Variants in FYN observed in about 807,000 individuals in gnomAD.
FYN encodes the protein tyrosine-protein kinase Fyn.
In FYN, 10 loss-of-function variants were observed where a neutral mutation model predicts 70.2. The ratio of observed to expected loss-of-function variants is 0.14; its 90% CI spans 0.09 to 0.24. The LOEUF (loss-of-function observed/expected upper bound fraction) is 0.24. Among genes scored for constraint, FYN ranks in the 10% least tolerant of loss-of-function variants. The pLI is 1.00. For synonymous variants in FYN, 236 were observed against 248.6 expected, an observed-to-expected ratio of 0.95 and a Z score of 0.48; for missense variants, 319 against 673.1, an observed-to-expected ratio of 0.47 and a Z score of 5.82.
chr6:111,835,312 T>C (rs933173254), intron 2 of FYN, among the ~76,000 whole-genome samples: 2 of 152,208 alleles, frequency 1.3e-5, no homozygotes, highest in African/African-American at 4.8e-5. Flanking sequence ...GAAAACAAAA[T>C]AGCAAATCTC....
At chr6:111,678,399 G>A (rs1366201947) in intron 12 of FYN, among the ~76,000 whole-genome samples, 1 of 152,066 alleles carries the variant, frequency 6.6e-6, no homozygotes, top group Non-Finnish European at 1.5e-5. Flanking sequence ...TTCCTGTAAT[G>A]AATAAATGTG....
intron 2 of FYN, among the ~76,000 whole-genome samples, chr6:111,835,363 AATACTAAAGTG>A (rs1250741261): frequency 6.6e-6 from 1 of 152,084 alleles, no homozygotes; most frequent in Non-Finnish European, 1.5e-5. Flanking sequence ...TGATCACTGA[AATACTAAAGTG>A]ATACTAAAGT....
chr6:111,799,185 C>T (rs1418128674), intron 2 of FYN, among the ~76,000 whole-genome samples: 3 of 152,276 alleles, frequency 2.0e-5, no homozygotes, highest in South Asian at 2.1e-4. Context: ...AAAAAAGCAA[C>T]GTTCAAAAAT....
chr6:111,771,746 C>T (rs896125339), intron 3 of FYN, among the ~76,000 whole-genome samples: 1 of 152,218 alleles, frequency 6.6e-6, no homozygotes, highest in Non-Finnish European at 1.5e-5. Flanking sequence ...ATTGAAAAGT[C>T]GGAATGGTTA....
intron 9 of FYN, chr6:111,699,396 C>T (rs1799727760): frequency 5.7e-6 from 6 of 1,059,334 alleles, no homozygotes; most frequent in African/African-American, 1.6e-5. Context: ...GGCCTGTGCC[C>T]GTCTAGTTAT....
At chr6:111,698,954 G>A (rs1799702052) in intron 9 of FYN, among the ~76,000 whole-genome samples, 2 of 152,088 alleles carry the variant, frequency 1.3e-5, no homozygotes, top group Admixed American at 6.5e-5. Context: ...GTGGTGGCAG[G>A]CACCTGTAAT....
chr6:111,765,105 C>T (rs1026896239), intron 3 of FYN, among the ~76,000 whole-genome samples: 1 of 151,968 alleles, frequency 6.6e-6, no homozygotes, highest in Non-Finnish European at 1.5e-5. Flanking sequence ...CTGAATGAGG[C>T]CAGGAACGAA....
chr6:111,689,188 A>T (rs1799190776), intron 12 of FYN, among the ~76,000 whole-genome samples: 1 of 152,184 alleles, frequency 6.6e-6, no homozygotes, highest in South Asian at 2.1e-4. Context: ...AGATGATAAA[A>T]ATGAGGCTCA....
At chr6:111,769,386 C>T (rs1045267474) in intron 3 of FYN, among the ~76,000 whole-genome samples, 2 of 152,184 alleles carry the variant, frequency 1.3e-5, no homozygotes, top group African/African-American at 4.8e-5. Context: ...CTCCAGGAGT[C>T]TGTCGCCATT....
intron 3 of FYN, among the ~76,000 whole-genome samples, chr6:111,764,594 T>C (rs1259565107): frequency 1.3e-5 from 2 of 152,150 alleles, no homozygotes; most frequent in African/African-American, 4.8e-5. Flanking sequence ...AAGCCTCTGA[T>C]TTAGTAGAAT....
At chr6:111,716,703 A>T (rs1348278790) in intron 4 of FYN, among the ~76,000 whole-genome samples, 1 of 141,688 alleles carries the variant, frequency 7.1e-6, no homozygotes, top group East Asian at 2.6e-4. Flanking sequence ...ATTAAATTAT[A>T]AAAAAAATTA....
intron 4 of FYN, 57 bp downstream of exon 4, chr6:111,719,748 C>A: frequency 6.3e-7 from 1 of 1,575,184 alleles, no homozygotes; most frequent in Non-Finnish European, 8.7e-7. Context: ...TGTTCAATTG[C>A]CAAAAGATTT....
intron 3 of FYN, among the ~76,000 whole-genome samples, chr6:111,757,139 G>A (rs151305401): frequency 2.6e-4 from 39 of 152,238 alleles, no homozygotes; most frequent in South Asian, 4.1e-4. Context: ...ATTGATAAGA[G>A]GTTTCAGCAA....
intron 3 of FYN, among the ~76,000 whole-genome samples, chr6:111,735,396 G>A (rs1427331300): frequency 6.6e-6 from 1 of 152,102 alleles, no homozygotes; most frequent in Non-Finnish European, 1.5e-5. Context: ...GCTTTCCTAG[G>A]TGCAATATGC....
chr6:111,686,035 T>C (rs1798988694), intron 12 of FYN, among the ~76,000 whole-genome samples: 2 of 152,178 alleles, frequency 1.3e-5, no homozygotes, highest in African/African-American at 4.8e-5. Context: ...AGAGAGACTG[T>C]AGTAGGAAAG....
intron 6 of FYN, 57 bp from the exon 7 acceptor site, chr6:111,704,159 C>T: frequency 2.1e-6 from 3 of 1,429,490 alleles, no homozygotes; most frequent in Admixed American, 3.6e-5. Context: ...CAAAATGCAA[C>T]AGCATAGGCT....
chr6:111,737,318 T>C (rs765034893), intron 3 of FYN, among the ~76,000 whole-genome samples: 14 of 152,208 alleles, frequency 9.2e-5, no homozygotes, highest in Non-Finnish European at 1.0e-4. Context: ...TTCACAAAAC[T>C]GCTCCCCACT....
rs112119020 is a variant in FYN at position 111,696,052 on chromosome 6, T to C, written c.1042+225A>G. On this transcript the variant is annotated intron_variant, in intron 10 of 13. Coordinates refer to ENST00000354650, the MANE Select transcript of FYN (RefSeq NM_002037.5). ...GCTTGAATTTCTGACACACATAACA[T>C]GTAAAAAGTATTTGGCATTTCATAA... Among the ~76,000 whole-genome samples, 1,367 of 152,288 alleles carry C rather than the reference T, an allele frequency of 9.0e-3. 18 individuals are homozygous for C. The highest frequency in any genetic ancestry group is 0.027 in the African/African-American group (1,113 of 41,558).
intron 3 of FYN, among the ~76,000 whole-genome samples, chr6:111,734,972 G>A (rs1459695908): frequency 6.6e-6 from 1 of 152,184 alleles, no homozygotes; most frequent in Non-Finnish European, 1.5e-5. Flanking sequence ...TAAATCGAGG[G>A]ACTCAGGTTG....
Sources: gnomAD v4.1 joint callset for allele counts (sites outside exome capture counted in the v4.1 genomes callset) on GRCh38, gnomAD v4.1.1 for gene constraint, MANE v1.5 for transcripts, NCBI Gene and HGNC (gene_info 2026-07-23, HGNC 2026-07-21) for gene names.